RANGAP1: variants seen among roughly 807,000 people sequenced by gnomAD.
RANGAP1 encodes the protein Ran GTPase activating protein 1.
In RANGAP1, 38 loss-of-function variants were observed where a neutral mutation model predicts 63.5. The ratio of observed to expected loss-of-function variants is 0.60; its 90% CI spans 0.46 to 0.78. The LOEUF is 0.78. RANGAP1 is among the 30% of genes least tolerant of loss of function. The pLI, the probability that RANGAP1 is intolerant of heterozygous loss-of-function variation, is 0.00. For synonymous variants in RANGAP1, 329 were observed against 310.5 expected (o/e 1.06, Z -0.63); for missense variants, 630 against 740.3 (o/e 0.85, Z 1.73).
intron 2 of RANGAP1, chr22:41,280,541 T>C: frequency 1.4e-6 from 1 of 695,946 alleles, no homozygotes; most frequent in Non-Finnish European, 2.1e-6. Context: ...GAGCCTCAGC[T>C]CTGGGGAAAG....
At chr22:41,253,259 G>C (rs1360195666) in intron 11 of RANGAP1, among the ~76,000 whole-genome samples, 4 of 152,184 alleles carry the variant, frequency 2.6e-5, no homozygotes, top group African/African-American at 9.7e-5. Context: ...CGGCCAAGTG[G>C]ATCCTCGTCA....
the RANGAP1 span, among the ~76,000 whole-genome samples, chr22:41,297,039 G>A: frequency 6.6e-5 from 10 of 152,082 alleles, no homozygotes; most frequent in East Asian, 1.4e-3. Context: ...GGTGAAAACC[G>A]TTACTACCAA....
chr22:41,265,001 C>G (rs1243175730), intron 4 of RANGAP1, among the ~76,000 whole-genome samples, 158 bp from the exon 5 acceptor site: 2 of 152,222 alleles, frequency 1.3e-5, no homozygotes, highest in Non-Finnish European at 2.9e-5. Context: ...GACTGGAAAC[C>G]CTGCAAAGGG....
At chr22:41,277,610 T>G in intron 2 of RANGAP1, 1 of 766,344 alleles carries the variant, frequency 1.3e-6, no homozygotes, top group Non-Finnish European at 1.8e-6. Flanking sequence ...AAAGGACTTA[T>G]AACCTAGCAG....
chr22:41,287,985 C>G (rs892262232), upstream of RANGAP1, among the ~76,000 whole-genome samples: 10 of 152,122 alleles, frequency 6.6e-5, no homozygotes, highest in Non-Finnish European at 1.5e-4. Context: ...AACTCCGTCT[C>G]TAAATAAATA....
intron 1 of RANGAP1, chr22:41,285,088 C>T (rs1226027970): frequency 6.6e-6 from 1 of 151,996 alleles, no homozygotes; most frequent in Non-Finnish European, 1.5e-5. Flanking sequence ...CCCAGGAAGC[C>T]GACGCTGCAG....
intron 12 of RANGAP1, 119 bp downstream of exon 12, chr22:41,252,753 C>G: frequency 1.7e-6 from 2 of 1,203,302 alleles, no homozygotes; most frequent in Middle Eastern, 2.8e-4. Flanking sequence ...GCAGGCCAAG[C>G]CTCCCTGCCC....
intron 5 of RANGAP1, among the ~76,000 whole-genome samples, chr22:41,264,103 G>T (rs1260086982): frequency 6.6e-6 from 1 of 152,238 alleles, no homozygotes; most frequent in Non-Finnish European, 1.5e-5. Context: ...CCAACCCTGG[G>T]TCTAAAGGCA....
intron 1 of RANGAP1, chr22:41,285,147 A>T (rs1316160632): frequency 6.6e-6 from 1 of 152,128 alleles, no homozygotes; most frequent in Admixed American, 6.5e-5. Flanking sequence ...ACAGAAGGAG[A>T]CCGTCTCTAA....
At chr22:41,265,623 G>T (rs182072923) in intron 4 of RANGAP1, among the ~76,000 whole-genome samples, 1 of 152,196 alleles carries the variant, frequency 6.6e-6, no homozygotes, top group African/African-American at 2.4e-5. Flanking sequence ...GCCACGGCCA[G>T]GATCAGCTTT....
chr22:41,280,941 G>A lies in RANGAP1; in HGVS notation c.104C>T (p.Ala35Val). ...FKGKSLKLNT[A>V]EDAKDVIKEI... Reference sequence around the variant, plus strand: ...AACTTCCAGAAACTCACCATCTTCTGCAGTGTTGAGTTTGAGGCTCTTGCC... The same window carrying A: ...AACTTCCAGAAACTCACCATCTTCTACAGTGTTGAGTTTGAGGCTCTTGCC... Residue 35 changes from alanine (A) to valine (V), a missense_variant, in exon 2 of 16, where the codon GCA (alanine) becomes GTA (valine). Physicochemically the swap from Ala to Val is moderately conservative, Grantham distance 64. This residue lies in a region of RANGAP1 where 65 missense variants were observed against 60.5 expected (regional missense o/e 1.07). Coordinates refer to ENST00000356244, the MANE Select transcript of RANGAP1 (RefSeq NM_002883.4). 1 of 1,613,968 alleles carries A rather than the reference G, an allele frequency of 6.2e-7. No individual in the cohort carries two copies.
the RANGAP1 span, among the ~76,000 whole-genome samples, chr22:41,293,037 C>G: frequency 1.3e-5 from 2 of 151,854 alleles, no homozygotes; most frequent in African/African-American, 4.8e-5. Flanking sequence ...AGATTGAGAC[C>G]ATCCTGGCTA....
At chr22:41,263,737 C>T (rs893107374) in intron 5 of RANGAP1, among the ~76,000 whole-genome samples, 1 of 152,230 alleles carries the variant, frequency 6.6e-6, no homozygotes, top group African/African-American at 2.4e-5. Flanking sequence ...CCCAAGTGGA[C>T]TTGGGGGAGG....
chr22:41,275,395 G>A (rs111795037), intron 2 of RANGAP1, among the ~76,000 whole-genome samples: 3,294 of 152,174 alleles, frequency 0.022, 95 homozygotes, highest in African/African-American at 0.075. Flanking sequence ...GGGAGGCTGA[G>A]GCAGGAGAAT....
rs576503247 is a variant in RANGAP1, at chr22:41,281,137, G to C, written c.-38-55C>G. 99 of 1,463,588 alleles carry C rather than the reference G, an allele frequency of 6.8e-5. 1 individual carries two copies. Among genetic ancestry groups the C allele is most frequent in the Admixed American group, 6.1e-4 (25 of 40,852 alleles). 90.7% of individuals were successfully genotyped at this position (1,463,588 alleles called of 1,614,324 possible). A position where few individuals can be genotyped will look rare whatever the true frequency, so the allele number is the denominator to read the frequency against. Reference sequence around the variant, plus strand: ...AGGAGTCTCCTGGGGCCCCTGGTTGGGGGCAGGGTAGGACATCAGCCATCT... The same window carrying C: ...AGGAGTCTCCTGGGGCCCCTGGTTGCGGGCAGGGTAGGACATCAGCCATCT... On this transcript the variant is annotated intron_variant, in intron 1 of 15. Transcript: ENST00000356244.
At chr22:41,255,391 CG>C (rs2033760695) in intron 10 of RANGAP1, among the ~76,000 whole-genome samples, 1 of 152,148 alleles carries the variant, frequency 6.6e-6, no homozygotes. Flanking sequence ...ATGGCCCAAC[CG>C]GACTTGGATC....
chr22:41,258,273 C>A (rs566245370), intron 6 of RANGAP1, among the ~76,000 whole-genome samples, 167 bp from the exon 7 acceptor site: 1 of 152,380 alleles, frequency 6.6e-6, no homozygotes, highest in Non-Finnish European at 1.5e-5. Flanking sequence ...CTTTCCACAA[C>A]CTCCTGAGGG....
chr22:41,275,253 G>A (rs1295355594), intron 2 of RANGAP1, among the ~76,000 whole-genome samples: 1 of 152,216 alleles, frequency 6.6e-6, no homozygotes, highest in African/African-American at 2.4e-5. Context: ...AGTACTTTGG[G>A]AGGCTAAGGC....
chr22:41,282,061 C>A (rs1340975921), intron 1 of RANGAP1: 1 of 152,150 alleles, frequency 6.6e-6, no homozygotes, highest in Non-Finnish European at 1.5e-5. Flanking sequence ...GAGACAGAGG[C>A]TACAGTGAGC....
Sources: allele counts gnomAD v4.1 joint callset (sites outside exome capture counted in the v4.1 genomes callset), GRCh38; gene constraint gnomAD v4.1.1; regional missense constraint gnomAD v4.1.1; transcripts MANE v1.5; gene names NCBI Gene and HGNC (gene_info 2026-07-23, HGNC 2026-07-21).